Variants in PLCB1 observed in about 807,000 individuals in gnomAD.
The protein encoded by PLCB1 is 1-phosphatidylinositol 4,5-bisphosphate phosphodiesterase beta-1.
A neutral mutation model predicts 161.8 loss-of-function variants in PLCB1; 46 were observed. That is an observed-to-expected ratio of 0.28 (90% CI 0.22 to 0.36). The LOEUF is 0.36. PLCB1 is among the 10% of genes least tolerant of loss of function. The probability of loss-of-function intolerance (pLI) is 1.00; values close to 1 mark genes in which losing one functional copy is unlikely to be tolerated. For synonymous variants in PLCB1, 517 were observed against 503.7 expected, an observed-to-expected ratio of 1.03 and a Z score of -0.35; for missense variants, 1,016 against 1,472.5, an observed-to-expected ratio of 0.69 and a Z score of 5.07.
intron 1 of PLCB1, among the ~76,000 whole-genome samples, chr20:8,138,969 TAACA>T (rs61235550): frequency 0.2 from 30,337 of 151,432 alleles, 3,178 homozygotes; most frequent in Admixed American, 0.26. Context: ...ATAAATTGAG[TAACA>T]AACTATTATA....
chr20:8,621,181 G>T (rs930521565), intron 3 of PLCB1, among the ~76,000 whole-genome samples: 1 of 152,142 alleles, frequency 6.6e-6, no homozygotes, highest in Non-Finnish European at 1.5e-5. Context: ...TTTGTCGGGG[G>T]TTTAAACAGG....
chr20:8,189,912 A>C (rs141031444), intron 2 of PLCB1, among the ~76,000 whole-genome samples: 1 of 152,214 alleles, frequency 6.6e-6, no homozygotes, highest in Admixed American at 6.6e-5. Context: ...AAAATGCACA[A>C]GTGTGAAAAA....
chr20:8,155,806 G>T (rs1271641366), intron 2 of PLCB1, among the ~76,000 whole-genome samples: 1 of 152,138 alleles, frequency 6.6e-6, no homozygotes, highest in Non-Finnish European at 1.5e-5. Context: ...TAGAAGATAA[G>T]TGCTATTTAT....
intron 2 of PLCB1, among the ~76,000 whole-genome samples, chr20:8,331,050 C>T (rs1985347566): frequency 6.6e-6 from 1 of 152,164 alleles, no homozygotes; most frequent in Non-Finnish European, 1.5e-5. Context: ...CACACATGCA[C>T]AGATATACAC....
chr20:8,187,348 A>G (rs2051916569), intron 2 of PLCB1, among the ~76,000 whole-genome samples: 1 of 152,106 alleles, frequency 6.6e-6, no homozygotes, highest in African/African-American at 2.4e-5. Flanking sequence ...ATTGAAAACT[A>G]GGAGTCACCT....
intron 3 of PLCB1, among the ~76,000 whole-genome samples, chr20:8,425,108 C>G (rs1208109495): frequency 2.7e-5 from 4 of 149,590 alleles, no homozygotes; most frequent in Non-Finnish European, 4.4e-5. Context: ...CTTTTTGCAA[C>G]CAATGACCTG....
At chr20:8,705,367 G>A (rs1327372803) in intron 11 of PLCB1, among the ~76,000 whole-genome samples, 2 of 152,124 alleles carry the variant, frequency 1.3e-5, no homozygotes, top group Admixed American at 6.5e-5. Flanking sequence ...TATATTAGGA[G>A]TTCATTCATT....
chr20:8,814,837 G>T lies in PLCB1; in HGVS notation c.3423+24576G>T, dbSNP rs140052359. Among the ~76,000 whole-genome samples the T allele has an allele frequency of 5.6e-3, 850 of 152,232 alleles. 5 individuals carry two copies. Among genetic ancestry groups the T allele is most frequent in the Non-Finnish European group, 8.8e-3 (600 of 68,022 alleles). On this transcript the variant is annotated intron_variant, in intron 31 of 31. Coordinates refer to ENST00000338037, the MANE Select transcript of PLCB1 (RefSeq NM_015192.4). ...ATTGCTATGGTTTTGACATAAGTTG[G>T]ACTGACACCTTCATTTAGCAGATGT...
At chr20:8,523,496 C>CTCTCTCTCTCTCTCTCTCTATATA in intron 3 of PLCB1, among the ~76,000 whole-genome samples, 46 of 51,634 alleles carry the variant, frequency 8.9e-4, no homozygotes, top group Admixed American at 5.1e-3. Context: ...CTCTCTCTCT[C>CTCTCTCTCTCTCTCTCTCTATATA]TATATATATA....
intron 3 of PLCB1, among the ~76,000 whole-genome samples, chr20:8,523,913 T>C (rs550369061): frequency 6.6e-6 from 1 of 152,224 alleles, no homozygotes; most frequent in South Asian, 2.1e-4. Context: ...GGGGAGCGTG[T>C]GTTGTATGGA....
chr20:8,810,189 G>A (rs1984743768), intron 31 of PLCB1, among the ~76,000 whole-genome samples: 1 of 152,150 alleles, frequency 6.6e-6, no homozygotes, highest in Admixed American at 6.5e-5. Flanking sequence ...CCATCTGGCA[G>A]AACTCACATT....
At position 8,360,498 on chromosome 20, in the gene PLCB1, G is replaced by C. The variant is rs992206834; in HGVS notation, c.178-10884G>C. 3.9e-5 allele frequency among the ~76,000 whole-genome samples: 6 copies of C among 152,270 alleles called. No individual in the cohort carries two copies. In the South Asian group the frequency reaches 1.0e-3, roughly 26 times the overall value. ...AGCTTCGTTTTGTGTACATACATTA[G>C]TGTTGAGATTGATCAACAGTCGAAT... On this transcript the variant is annotated intron_variant, in intron 2 of 31. Transcript: ENST00000338037.
chr20:8,728,950 T>C (rs1435930416), intron 17 of PLCB1, 100 bp from the exon 18 acceptor site: 1 of 773,152 alleles, frequency 1.3e-6, no homozygotes, highest in Non-Finnish European at 1.9e-6. Context: ...CAATATTTAC[T>C]TCATTTTCCA....
At chr20:8,310,409 G>A (rs1026917703) in intron 2 of PLCB1, among the ~76,000 whole-genome samples, 3 of 152,100 alleles carry the variant, frequency 2.0e-5, no homozygotes, top group Non-Finnish European at 4.4e-5. Flanking sequence ...AGTGAAAGAA[G>A]CCTTTTACCA....
chr20:8,232,731 C>T (rs1980121127), intron 2 of PLCB1, among the ~76,000 whole-genome samples: 1 of 152,174 alleles, frequency 6.6e-6, no homozygotes, highest in Non-Finnish European at 1.5e-5. Context: ...TCTTTACACA[C>T]CTAGCTCTAA....
At chr20:8,665,912 A>G (rs1989799430) in intron 9 of PLCB1, among the ~76,000 whole-genome samples, 1 of 152,090 alleles carries the variant, frequency 6.6e-6, no homozygotes, top group Non-Finnish European at 1.5e-5. Context: ...CATCTGTAAA[A>G]TGGGATGAGA....
intron 3 of PLCB1, among the ~76,000 whole-genome samples, chr20:8,590,495 C>T (rs551637185): frequency 1.2e-4 from 19 of 152,034 alleles, no homozygotes; most frequent in African/African-American, 3.6e-4. Context: ...GCTGCTGTGA[C>T]AAATTACCAC....
Position 8,643,349 on chromosome 20 carries a change from C to T in PLCB1, c.385-2753C>T, listed in dbSNP as rs138944786. Among the ~76,000 whole-genome samples, 58 of 152,242 alleles carry T rather than the reference C, an allele frequency of 3.8e-4. 1 individual carries two copies. The highest frequency in any genetic ancestry group is 1.2e-3 in the African/African-American group (49 of 41,536). On this transcript the variant is annotated intron_variant, in intron 4 of 31. Transcript: ENST00000338037. ...TCTGACCACAACTCTAGTTTGTTGT[C>T]GCAACCCCCTCCCTCTTTTCTAATT...
chr20:8,139,558 A>T (rs551224303), intron 1 of PLCB1, among the ~76,000 whole-genome samples: 1 of 152,230 alleles, frequency 6.6e-6, no homozygotes, highest in East Asian at 1.9e-4. Flanking sequence ...TATCTAGAAG[A>T]TTAAGATATT....
Sources: allele counts gnomAD v4.1 joint callset (sites outside exome capture counted in the v4.1 genomes callset), GRCh38; gene constraint gnomAD v4.1.1; transcripts MANE v1.5; gene names NCBI Gene and HGNC (gene_info 2026-07-23, HGNC 2026-07-21).